The following CDH12 variants were observed in gnomAD, a reference collection of about 807,000 sequenced individuals.
CDH12 encodes cadherin 12.
In CDH12, 41 loss-of-function variants were observed where a neutral mutation model predicts 74.1. That is an observed-to-expected ratio of 0.55 (90% confidence interval 0.43 to 0.72). The LOEUF (loss-of-function observed/expected upper bound fraction) is 0.72, where lower values mean the gene tolerates loss of function less well. Ranked by LOEUF, CDH12 falls within the 30% of genes least tolerant of loss-of-function variation. CDH12 has a pLI of 0.00. For synonymous variants in CDH12, 399 were observed against 355.0 expected (o/e 1.12, Z -1.39); for missense variants, 945 against 977.2 (o/e 0.97, Z 0.44).
At chr5:22,253,857 C>T (rs974970470) in intron 3 of CDH12, among the ~76,000 whole-genome samples, 1 of 151,904 alleles carries the variant, frequency 6.6e-6, no homozygotes, top group Non-Finnish European at 1.5e-5. Flanking sequence ...TAATGAGGCA[C>T]ACAAATGTGA....
rs552193521 is a variant in CDH12 at position 22,721,729 on chromosome 5, C to T, written c.-523+131329G>A. On this transcript the variant is annotated intron_variant, in intron 1 of 14. Transcript: ENST00000382254. ...TAATCCCCATGTGTTGAGGGAGGGACATGGTGGAAGGTGATTGGATCATGG... is the reference window on the plus strand; with the variant it reads ...TAATCCCCATGTGTTGAGGGAGGGATATGGTGGAAGGTGATTGGATCATGG... Among the ~76,000 whole-genome samples the T allele has an allele frequency of 2.0e-5, 3 of 152,210 alleles. No homozygotes were observed. In the East Asian group the frequency reaches 5.8e-4, roughly 30 times the overall value.
At chr5:22,603,240 G>GA (rs534757720) in intron 1 of CDH12, among the ~76,000 whole-genome samples, 1 of 151,270 alleles carries the variant, frequency 6.6e-6, no homozygotes. Context: ...AGCAACTATT[G>GA]AAAAAAAATA....
intron 4 of CDH12, among the ~76,000 whole-genome samples, chr5:22,091,290 T>A (rs544232365): frequency 9.5e-5 from 14 of 147,948 alleles, no homozygotes; most frequent in South Asian, 4.3e-4. Flanking sequence ...TGTGTGTGTG[T>A]GAGAGAGAAA....
chr5:22,685,897 C>CAT (rs1362402727), intron 1 of CDH12, among the ~76,000 whole-genome samples: 4 of 152,174 alleles, frequency 2.6e-5, no homozygotes, highest in African/African-American at 9.6e-5. Context: ...TTTTATTTTT[C>CAT]ATATATATGC....
At chr5:22,326,711 T>C (rs1020773504) in intron 3 of CDH12, among the ~76,000 whole-genome samples, 20 of 152,218 alleles carry the variant, frequency 1.3e-4, no homozygotes, top group Non-Finnish European at 2.8e-4. Context: ...AAATTGTACC[T>C]ATAAAATCCT....
At chr5:22,061,287 T>C (rs1015975581) in intron 5 of CDH12, among the ~76,000 whole-genome samples, 1 of 152,170 alleles carries the variant, frequency 6.6e-6, no homozygotes, top group East Asian at 1.9e-4. Context: ...TCAGGGGCAA[T>C]AAATTAGGTC....
At chr5:22,098,737 T>G (rs771490542) in intron 4 of CDH12, among the ~76,000 whole-genome samples, 7 of 152,138 alleles carry the variant, frequency 4.6e-5, no homozygotes, top group Non-Finnish European at 1.0e-4. Context: ...CCCCCATGAC[T>G]GTATCCCTCT....
intron 4 of CDH12, among the ~76,000 whole-genome samples, chr5:22,092,377 G>C (rs1743488008): frequency 6.6e-6 from 1 of 152,094 alleles, no homozygotes. Context: ...CTTGACAAGA[G>C]ACTTGTATCT....
At position 22,161,777 on chromosome 5, in the gene CDH12, A is replaced by G. The variant is rs116676232; in HGVS notation, c.-187+50721T>C. Among the ~76,000 whole-genome samples the G allele has an allele frequency of 8.4e-3, 1,278 of 152,180 alleles. 24 individuals are homozygous for G. Among genetic ancestry groups the G allele is most frequent in the African/African-American group, 0.027 (1,136 of 41,468 alleles). On this transcript the variant is annotated intron_variant, in intron 4 of 14. Coordinates refer to ENST00000382254, the MANE Select transcript of CDH12 (RefSeq NM_004061.5). Reference sequence around the variant, plus strand: ...AAAAGAAAAAAATCCAAACACCTCAAATGTGGTTAACTGCAGTTGGGAATT... The same window carrying G: ...AAAAGAAAAAAATCCAAACACCTCAGATGTGGTTAACTGCAGTTGGGAATT...
intron 2 of CDH12, among the ~76,000 whole-genome samples, chr5:22,482,402 A>G (rs1028885828): frequency 6.6e-6 from 1 of 152,126 alleles, no homozygotes; most frequent in African/African-American, 2.4e-5. Flanking sequence ...CAAGAAAAAA[A>G]TCTCCAATTT....
chr5:22,138,679 C>T (rs1397829559), intron 4 of CDH12, among the ~76,000 whole-genome samples: 1 of 149,912 alleles, frequency 6.7e-6, no homozygotes, highest in Non-Finnish European at 1.5e-5. Flanking sequence ...GTCATATCTG[C>T]AGGATCTTAA....
intron 1 of CDH12, among the ~76,000 whole-genome samples, chr5:22,602,589 G>C (rs1047921392): frequency 6.6e-6 from 1 of 152,068 alleles, no homozygotes; most frequent in African/African-American, 2.4e-5. Flanking sequence ...GAAAAGACAT[G>C]AGTGAGAGAA....
At chr5:21,903,538 C>T (rs1240861509) in intron 6 of CDH12, among the ~76,000 whole-genome samples, 1 of 152,038 alleles carries the variant, frequency 6.6e-6, no homozygotes, top group African/African-American at 2.4e-5. Context: ...GTGTCTTGGA[C>T]ACCAGCCTTA....
chr5:22,741,474 G>T (rs1745022208), intron 1 of CDH12, among the ~76,000 whole-genome samples: 1 of 152,144 alleles, frequency 6.6e-6, no homozygotes, highest in Admixed American at 6.6e-5. Context: ...GGTTTAAATG[G>T]TAAGTTTTGT....
chr5:21,923,338 G>GGT (rs1006920318), intron 6 of CDH12, among the ~76,000 whole-genome samples: 2 of 151,848 alleles, frequency 1.3e-5, no homozygotes, highest in African/African-American at 4.8e-5. Context: ...CTCGTGTGTG[G>GGT]GTGTGTGTGT....
rs570427684 is a variant in CDH12, at chr5:22,800,998, C to T, written c.-523+52060G>A. ...CATCCATAATTATGAATAGAGCCGCCATAAAAAACCATGTGCTGCTCGTTC... is the reference window on the plus strand; with the variant it reads ...CATCCATAATTATGAATAGAGCCGCTATAAAAAACCATGTGCTGCTCGTTC... On this transcript the variant is annotated intron_variant, in intron 1 of 14. Coordinates refer to ENST00000382254, the MANE Select transcript of CDH12 (RefSeq NM_004061.5). Among the ~76,000 whole-genome samples, 28 of 152,268 alleles carry T rather than the reference C, an allele frequency of 1.8e-4. No homozygotes were observed. In the East Asian group the frequency reaches 5.4e-3, roughly 29 times the overall value.
intron 1 of CDH12, among the ~76,000 whole-genome samples, chr5:22,581,335 G>A (rs1016738607): frequency 2.0e-5 from 3 of 152,206 alleles, no homozygotes; most frequent in Admixed American, 1.3e-4. Context: ...ATAGAGCTTG[G>A]GCTGTGGCTT....
intron 2 of CDH12, among the ~76,000 whole-genome samples, chr5:22,459,724 C>T (rs139199946): frequency 6.5e-4 from 99 of 152,180 alleles, no homozygotes; most frequent in African/African-American, 2.3e-3. Flanking sequence ...CTTGTAATCC[C>T]AGCACTTTGA....
At chr5:22,304,848 C>T (rs1464196800) in intron 3 of CDH12, among the ~76,000 whole-genome samples, 1 of 152,082 alleles carries the variant, frequency 6.6e-6, no homozygotes, top group African/African-American at 2.4e-5. Context: ...ATTGGTTAAT[C>T]AAGAAAATAG....
Sources: gnomAD v4.1 joint callset for allele counts (sites outside exome capture counted in the v4.1 genomes callset) on GRCh38, gnomAD v4.1.1 for gene constraint, MANE v1.5 for transcripts, NCBI Gene and HGNC (gene_info 2026-07-23, HGNC 2026-07-21) for gene names.